KIRREL3: variants seen among roughly 807,000 people sequenced by gnomAD.
KIRREL3 encodes the protein kin of IRRE-like protein 3.
Under a neutral mutation model 89.7 loss-of-function variants are expected in KIRREL3, and 36 were observed. That is an observed-to-expected ratio of 0.40 (90% CI 0.31 to 0.53). The LOEUF (loss-of-function observed/expected upper bound fraction) is 0.53, where lower values mean the gene tolerates loss of function less well. Among genes scored for constraint, KIRREL3 ranks in the 20% least tolerant of loss-of-function variants. The probability of loss-of-function intolerance (pLI) is 0.49; values close to 1 mark genes in which losing one functional copy is unlikely to be tolerated. For synonymous variants in KIRREL3, 445 were observed against 441.4 expected (o/e 1.01, Z -0.10); for missense variants, 864 against 1,056.6 (o/e 0.82, Z 2.53).
Position 126,897,630 on chromosome 11 carries a change from C to T in KIRREL3, c.55+102825G>A, listed in dbSNP as rs1162793554. Among the ~76,000 whole-genome samples the T allele has an allele frequency of 6.6e-6, 1 of 152,102 alleles. No individual in the cohort carries two copies. The highest frequency in any genetic ancestry group is 1.5e-5 in the Non-Finnish European group (1 of 68,036). Reference sequence around the variant, plus strand: ...CTCTTCTCTCCATGTTGCACAATACCACATCAAAAATACATTTGCAGCAAA... The same window carrying T: ...CTCTTCTCTCCATGTTGCACAATACTACATCAAAAATACATTTGCAGCAAA... On this transcript the variant is annotated intron_variant, in intron 1 of 16. Coordinates refer to ENST00000525144, the MANE Select transcript of KIRREL3 (RefSeq NM_032531.4). The surrounding 1 kb of genome is among the most constrained non-coding windows in gnomAD (Gnocchi z 4.2).
In KIRREL3 at chr11:126,566,873, A is replaced by G. The variant is rs1358334303; in HGVS notation, c.56-3961T>C. On this transcript the variant is annotated intron_variant, in intron 1 of 16. Coordinates refer to ENST00000525144, the MANE Select transcript of KIRREL3 (RefSeq NM_032531.4). This position sits in a 1 kb window ranked among gnomAD's most constrained non-coding sequence, Gnocchi z 4.9. ...AGCTCTGTGACACAGGCAAGTCAGA[A>G]ATTATCTATTTCATTTTGGTTTCAC... Among the ~76,000 whole-genome samples the G allele has an allele frequency of 1.3e-5, 2 of 152,230 alleles. No homozygotes were observed. The highest frequency in any genetic ancestry group is 2.4e-5 in the African/African-American group (1 of 41,460).
In KIRREL3 at chr11:126,423,977, CCAAA is replaced by C. The variant is rs1954827681; in HGVS notation, c.*599_*602del. ...ACTGCAAGAGTATGGACACAAAACA[CCAAA>C]CAAATTGGGGGTGGGCTCCCGGCCA... On this transcript the variant is annotated 3_prime_UTR_variant, in exon 17 of 17. Coordinates refer to ENST00000525144, the MANE Select transcript of KIRREL3 (RefSeq NM_032531.4). 6.3e-6 allele frequency: 1 copy of C among 157,752 alleles called. No individual in the cohort carries two copies. The highest frequency in any genetic ancestry group is 1.4e-5 in the Non-Finnish European group (1 of 71,250). The allele number at this position is 157,752 out of a possible 1,614,324, so 9.8% of individuals were successfully genotyped here. A position where few individuals can be genotyped will look rare whatever the true frequency, so the allele number is the denominator to read the frequency against.
At position 126,742,102 on chromosome 11, in the gene KIRREL3, T is replaced by C. The variant is rs956511106; in HGVS notation, c.56-179190A>G. Among the ~76,000 whole-genome samples the C allele has an allele frequency of 1.3e-5, 2 of 152,246 alleles. No homozygotes were observed. The highest frequency in any genetic ancestry group is 4.8e-5 in the African/African-American group (2 of 41,456). On this transcript the variant is annotated intron_variant, in intron 1 of 16. Coordinates refer to ENST00000525144, the MANE Select transcript of KIRREL3 (RefSeq NM_032531.4). The surrounding 1 kb of genome is among the most constrained non-coding windows in gnomAD (Gnocchi z 5.3). ...CCAAGCTTTAAATTGAACTTCCCAT[T>C]TCCCAGTTTCAGCTTCCAGAATGCA...
intron 1 of KIRREL3, among the ~76,000 whole-genome samples, chr11:126,691,564 G>A (rs569425818): frequency 9.1e-4 from 139 of 152,088 alleles, no homozygotes; most frequent in African/African-American, 3.1e-3. Context: ...CTTTGTAGAC[G>A]GTTAAAATAA....
rs1950172106 is a variant in KIRREL3, at chr11:126,996,061, A to G, written c.55+4394T>C. Among the ~76,000 whole-genome samples, 2 of 152,024 alleles carry G rather than the reference A, an allele frequency of 1.3e-5. No individual in the cohort carries two copies. Among genetic ancestry groups the G allele is most frequent in the Admixed American group, 6.5e-5 (1 of 15,270 alleles). Reference sequence around the variant, plus strand: ...CCTCCCCCTAGGGACTTTCTTTTCCATCCTCAATAGGTCTGGCTGGCAACT... The same window carrying G: ...CCTCCCCCTAGGGACTTTCTTTTCCGTCCTCAATAGGTCTGGCTGGCAACT... On this transcript the variant is annotated intron_variant, in intron 1 of 16. Coordinates refer to ENST00000525144, the MANE Select transcript of KIRREL3 (RefSeq NM_032531.4). The surrounding 1 kb of genome is among the most constrained non-coding windows in gnomAD (Gnocchi z 4.7).
At chr11:126,967,817 A>ATG (rs1565464308) in intron 1 of KIRREL3, among the ~76,000 whole-genome samples, 1 of 151,786 alleles carries the variant, frequency 6.6e-6, no homozygotes, top group African/African-American at 2.4e-5. Context: ...GCAGCTGGGG[A>ATG]GGGGGCTTGC....
Position 126,767,244 on chromosome 11 carries a change from G to A in KIRREL3, c.56-204332C>T, listed in dbSNP as rs569478294. 5.9e-5 allele frequency among the ~76,000 whole-genome samples: 9 copies of A among 152,372 alleles called. No homozygotes were observed. In the South Asian group the frequency reaches 1.0e-3, roughly 18 times the overall value. On this transcript the variant is annotated intron_variant, in intron 1 of 16. Transcript: ENST00000525144. ...GACATCCCGCCCAAGGGTCAGAGGAGCTCTTGGAAAGGCGGAGGGTGTTTT... is the reference window on the plus strand; with the variant it reads ...GACATCCCGCCCAAGGGTCAGAGGAACTCTTGGAAAGGCGGAGGGTGTTTT...
Position 126,609,099 on chromosome 11 carries a change from T to C in KIRREL3, c.56-46187A>G, listed in dbSNP as rs1943012161. Among the ~76,000 whole-genome samples the C allele has an allele frequency of 6.6e-6, 1 of 152,146 alleles. No individual in the cohort carries two copies. Among genetic ancestry groups the C allele is most frequent in the South Asian group, 2.1e-4 (1 of 4,824 alleles). The stretch of plus-strand genomic sequence containing the variant: ...ACTGCCCACTCAACTCTGCATGGAA[T>C]TGTGCTGAATTGAGGAGCACTGCAG... On this transcript the variant is annotated intron_variant, in intron 1 of 16. Coordinates refer to ENST00000525144, the MANE Select transcript of KIRREL3 (RefSeq NM_032531.4). The surrounding 1 kb of genome is among the most constrained non-coding windows in gnomAD (Gnocchi z 5.0).
In KIRREL3 at chr11:126,708,709, C is replaced by T. The variant is rs909821524; in HGVS notation, c.56-145797G>A. 3.9e-5 allele frequency among the ~76,000 whole-genome samples: 6 copies of T among 152,152 alleles called. No individual in the cohort carries two copies. Among genetic ancestry groups the T allele is most frequent in the Admixed American group, 2.0e-4 (3 of 15,286 alleles). On this transcript the variant is annotated intron_variant, in intron 1 of 16. Transcript: ENST00000525144. This position sits in a 1 kb window ranked among gnomAD's most constrained non-coding sequence, Gnocchi z 5.7. ...ACCGGGACCTCCTCTCCCATTTCTC[C>T]GGGGCCTCCAGGGCCCTCCCGCACA...
chr11:126,801,781 T>C (rs1376603949), intron 1 of KIRREL3, among the ~76,000 whole-genome samples: 3 of 152,148 alleles, frequency 2.0e-5, no homozygotes, highest in Non-Finnish European at 4.4e-5. Flanking sequence ...TTGTTTGAAA[T>C]ACAAAGTCAT....
At chr11:126,902,713 G>A (rs1946420572) in intron 1 of KIRREL3, among the ~76,000 whole-genome samples, 1 of 152,230 alleles carries the variant, frequency 6.6e-6, no homozygotes, top group Non-Finnish European at 1.5e-5. Flanking sequence ...GAAGCAGACA[G>A]GATGCTGGGC....
intron 1 of KIRREL3, among the ~76,000 whole-genome samples, chr11:126,866,365 C>T (rs1944919192): frequency 6.6e-6 from 1 of 152,216 alleles, no homozygotes; most frequent in Non-Finnish European, 1.5e-5. Context: ...GGTCCTCTCA[C>T]TTAGATCCAT....
rs549110704 is a variant in KIRREL3 at position 126,653,632 on chromosome 11, G to A, written c.56-90720C>T. ...GAAGGAGCTCTTTTCAAGGTCACAC[G>A]GACACTCTGACCCGACTCTCTCCTG... On this transcript the variant is annotated intron_variant, in intron 1 of 16. Transcript: ENST00000525144. The surrounding 1 kb of genome is among the most constrained non-coding windows in gnomAD (Gnocchi z 5.4). 1.3e-5 allele frequency among the ~76,000 whole-genome samples: 2 copies of A among 152,188 alleles called. No homozygotes were observed. The highest frequency in any genetic ancestry group is 1.9e-4 in the East Asian group (1 of 5,164).
intron 4 of KIRREL3, among the ~76,000 whole-genome samples, chr11:126,507,860 G>T (rs571770005): frequency 6.6e-6 from 1 of 152,358 alleles, no homozygotes; most frequent in African/African-American, 2.4e-5. Flanking sequence ...GCTCAGCGTT[G>T]TCTGGAAGAG....
At chr11:126,935,337 C>T (rs1592404964) in intron 1 of KIRREL3, 1 of 149,318 alleles carries the variant, frequency 6.7e-6, no homozygotes, top group Admixed American at 6.7e-5. Context: ...AGAAAAGAAA[C>T]ATACTCTCAC....
chr11:126,927,999 C>A (rs557844917), intron 1 of KIRREL3, among the ~76,000 whole-genome samples: 17 of 152,310 alleles, frequency 1.1e-4, no homozygotes, highest in South Asian at 2.1e-4. Flanking sequence ...AATAAAAAAA[C>A]CAATATTTGT....
intron 1 of KIRREL3, among the ~76,000 whole-genome samples, chr11:126,810,913 G>A (rs1248908887): frequency 6.6e-6 from 1 of 152,118 alleles, no homozygotes; most frequent in Non-Finnish European, 1.5e-5. Context: ...CCTCAAGCCC[G>A]GGCTCTCTCC....
intron 1 of KIRREL3, among the ~76,000 whole-genome samples, chr11:126,801,475 C>T (rs1385671566): frequency 2.0e-5 from 3 of 152,106 alleles, no homozygotes; most frequent in Non-Finnish European, 4.4e-5. Flanking sequence ...TAACCATCCC[C>T]AAATCTCTCA....
rs1950805120 is a variant in KIRREL3 at position 126,796,216 on chromosome 11, A to T, written c.55+204239T>A. Among the ~76,000 whole-genome samples, 1 of 152,000 alleles carries T rather than the reference A, an allele frequency of 6.6e-6. No individual in the cohort carries two copies. Among genetic ancestry groups the T allele is most frequent in the Non-Finnish European group, 1.5e-5 (1 of 67,974 alleles). On this transcript the variant is annotated intron_variant, in intron 1 of 16. Transcript: ENST00000525144. The surrounding 1 kb of genome is among the most constrained non-coding windows in gnomAD (Gnocchi z 5.1). ...AAAAAAAAAAAAGGCAAGACACAACATAAAATCAGACTGATTCTATGTTAA... is the reference window on the plus strand; with the variant it reads ...AAAAAAAAAAAAGGCAAGACACAACTTAAAATCAGACTGATTCTATGTTAA...
Sources: allele counts gnomAD v4.1 joint callset (sites outside exome capture counted in the v4.1 genomes callset), GRCh38; gene constraint gnomAD v4.1.1; non-coding constraint Gnocchi (gnomAD v3.1); transcripts MANE v1.5; gene names NCBI Gene and HGNC (gene_info 2026-07-23, HGNC 2026-07-21).